LRRC57: variants seen among roughly 807,000 people sequenced by gnomAD.
The protein encoded by LRRC57 is leucine rich repeat containing 57, also known as leucine-rich repeat-containing protein 57.
A neutral mutation model predicts 23.1 loss-of-function variants in LRRC57; 14 were observed. The observed-to-expected ratio is 0.61, with a 90% CI of 0.40 to 0.95. The LOEUF is 0.95. Ranked by LOEUF, LRRC57 falls within the 40% of genes least tolerant of loss-of-function variation. LRRC57 has a pLI of 0.00. For synonymous variants in LRRC57, 106 were observed against 115.2 expected (o/e 0.92, Z 0.51); for missense variants, 236 against 284.4 (o/e 0.83, Z 1.22).
chr15:42,545,863 C>G (rs1432272971), intron 4 of LRRC57, among the ~76,000 whole-genome samples: 1 of 152,140 alleles, frequency 6.6e-6, no homozygotes, highest in Non-Finnish European at 1.5e-5. Context: ...CATCTTCTCT[C>G]TAAACTTCTT....
At chr15:42,535,351 C>T (rs942094030), downstream of LRRC57, among the ~76,000 whole-genome samples, 1 of 152,164 alleles carries the variant, frequency 6.6e-6, no homozygotes, top group Non-Finnish European at 1.5e-5. Flanking sequence ...CTTGTGTTTA[C>T]TGGAGTAGCA....
At chr15:42,544,236 T>C (rs2057645373) in intron 5 of LRRC57, 112 bp from the exon 6 acceptor site, 1 of 802,462 alleles carries the variant, frequency 1.2e-6, no homozygotes, top group Non-Finnish European at 2.0e-6. Context: ...TTTCATTTCC[T>C]ACAAAATATA....
In LRRC57 at chr15:42,538,470, CTGGCCT is replaced by C; in HGVS notation, c.*5607_*5612del. ...CCACAATCTCACATTGTTGTCCAGGCTGGCCTCAAACTCCTAGGTTCAAGGGATCCT... is the reference window on the plus strand; with the variant it reads ...CCACAATCTCACATTGTTGTCCAGGCCAAACTCCTAGGTTCAAGGGATCCT... On this transcript the variant is annotated 3_prime_UTR_variant, in exon 6 of 6. Transcript: ENST00000397130. 2 of 152,122 alleles carry C rather than the reference CTGGCCT, an allele frequency of 1.3e-5. No homozygotes were observed. The highest frequency in any genetic ancestry group is 1.3e-4 in the Admixed American group (2 of 15,260). The allele number at this position is 152,122 out of a possible 1,614,324, so 9.4% of individuals were successfully genotyped here.
At chr15:42,530,703 T>C in the LRRC57 span, among the ~76,000 whole-genome samples, 2 of 152,176 alleles carry the variant, frequency 1.3e-5, no homozygotes, top group Admixed American at 6.5e-5. Flanking sequence ...TGAGCTGTGA[T>C]TGCACCATTG....
intron 5 of LRRC57, among the ~76,000 whole-genome samples, chr15:42,544,842 C>CAATATATATATATATATATACATATA: frequency 1.0e-5 from 1 of 98,038 alleles, no homozygotes; most frequent in Non-Finnish European, 1.9e-5. Context: ...CACACACACA[C>CAATATATATATATATATATACATATA]TATATATATA....
the LRRC57 span, chr15:42,531,378 T>A: frequency 1.4e-6 from 2 of 1,426,126 alleles, no homozygotes; most frequent in African/African-American, 2.9e-5. Context: ...TAGAGTTACT[T>A]ACCTTGTAAA....
chr15:42,528,361 G>A, the LRRC57 span: 1 of 1,614,122 alleles, frequency 6.2e-7, no homozygotes, highest in Non-Finnish European at 8.5e-7. Flanking sequence ...CAGGCCCGGT[G>A]ACAAATGGTC....
intron 3 of LRRC57, chr15:42,547,893 T>C (rs1369479173): frequency 3.5e-6 from 2 of 574,974 alleles, no homozygotes; most frequent in Non-Finnish European, 6.0e-6. Flanking sequence ...AAGTCCAAAT[T>C]AACCCAGTAA....
rs989144586 is a variant in LRRC57 at position 42,547,410 on chromosome 15, G to A, written c.343C>T (p.Leu115Phe). Residue 115 changes from leucine (L) to phenylalanine (F), a missense_variant, in exon 4 of 6, where the codon CTC (leucine) becomes TTC (phenylalanine). Physicochemically the swap from Leu to Phe is conservative, Grantham distance 22 (BLOSUM62 0). Coordinates refer to ENST00000397130, the MANE Select transcript of LRRC57 (RefSeq NM_153260.3). ...AATGCTCCCAGTTGGTTCCCAGAGA[G>A]GCTCAGGGTCTTGAGGGCAGAGAGT... ...GQLSALKTLSLSGNQLGALPP... is the reference protein window; with the variant it reads ...GQLSALKTLSFSGNQLGALPP... The A allele has an allele frequency of 6.8e-6, 11 of 1,614,068 alleles. No homozygotes were observed. The highest frequency in any genetic ancestry group is 5.5e-5 in the South Asian group (5 of 91,090).
At position 42,547,276 on chromosome 15, in the gene LRRC57, G is replaced by A. The variant is rs1473550151; in HGVS notation, c.477C>T (p.Asn159=). Residue 159 remains asparagine, a synonymous_variant, in exon 4 of 6, where the codon AAC becomes AAT. Coordinates refer to ENST00000397130, the MANE Select transcript of LRRC57 (RefSeq NM_153260.3). ...SVGELQVIEL[N]LNQNQISQIS... The stretch of plus-strand genomic sequence containing the variant: ...AGCTCTAGACCTGATTCTGGTTGAG[G>A]TTGAGTTCGATGACTTGCAGCTCTC... 1 of 1,614,074 alleles carries A rather than the reference G, an allele frequency of 6.2e-7. No individual in the cohort carries two copies. The highest frequency in any genetic ancestry group is 1.1e-5 in the South Asian group (1 of 91,048).
At chr15:42,529,344 A>G in the LRRC57 span, among the ~76,000 whole-genome samples, 2 of 152,180 alleles carry the variant, frequency 1.3e-5, no homozygotes, top group East Asian at 3.9e-4. Flanking sequence ...TCTGGGATGC[A>G]CTTACAGTTT....
At chr15:42,547,726 C>T in intron 3 of LRRC57, 197 bp from the exon 4 acceptor site, 1 of 604,550 alleles carries the variant, frequency 1.7e-6, no homozygotes, top group Non-Finnish European at 2.9e-6. Flanking sequence ...TGCCGGAGAG[C>T]ATTTGTGTGT....
chr15:42,547,586 A>G (rs2057666729), intron 3 of LRRC57, 57 bp from the exon 4 acceptor site: 1 of 1,502,790 alleles, frequency 6.7e-7, no homozygotes, highest in South Asian at 1.2e-5. Flanking sequence ...AACAACTTTG[A>G]TGAAGTTTAT....
the LRRC57 span, chr15:42,529,863 A>G: frequency 6.3e-7 from 1 of 1,596,200 alleles, no homozygotes; most frequent in South Asian, 1.1e-5. Flanking sequence ...CACCCAGTTC[A>G]GTGTTTCAGT....
chr15:42,548,509 G>A, intron 1 of LRRC57, 53 bp from the exon 2 acceptor site: 2 of 1,464,360 alleles, frequency 1.4e-6, no homozygotes, highest in South Asian at 2.4e-5. Flanking sequence ...TCGGCCTCCC[G>A]GCTGGGGCTC....
At chr15:42,531,336 G>GTT in the LRRC57 span, 1 of 938,682 alleles carries the variant, frequency 1.1e-6, no homozygotes, top group Admixed American at 2.9e-5. Flanking sequence ...TGGTGTGTCA[G>GTT]TTACTCCAAG....
intron 4 of LRRC57, 194 bp from the exon 5 acceptor site, chr15:42,545,456 C>T: frequency 2.7e-6 from 1 of 368,336 alleles, no homozygotes; most frequent in Non-Finnish European, 4.8e-6. Context: ...TACGCCCCCA[C>T]TTAAAAAAAA....
At chr15:42,534,406 G>A (rs1272121348), downstream of LRRC57, among the ~76,000 whole-genome samples, 1 of 152,294 alleles carries the variant, frequency 6.6e-6, no homozygotes, top group Non-Finnish European at 1.5e-5. Flanking sequence ...TGGGGTTACA[G>A]GCGTGAGCCA....
downstream of LRRC57, among the ~76,000 whole-genome samples, chr15:42,537,232 C>G (rs934293563): frequency 1.0e-5 from 1 of 100,070 alleles, no homozygotes; most frequent in Non-Finnish European, 2.2e-5. Context: ...CTCTCTCTCT[C>G]TCACACACAC....
Sources: gnomAD v4.1 joint callset for allele counts (sites outside exome capture counted in the v4.1 genomes callset) on GRCh38, gnomAD v4.1.1 for gene constraint, MANE v1.5 for transcripts, NCBI Gene and HGNC (gene_info 2026-07-23, HGNC 2026-07-21) for gene names.